CYYR1: variants seen among roughly 807,000 people sequenced by gnomAD.
CYYR1 encodes cysteine and tyrosine rich 1.
In CYYR1, 14 loss-of-function variants were observed where a neutral mutation model predicts 15.2. The ratio of observed to expected loss-of-function variants is 0.92; its 90% confidence interval spans 0.61 to 1.44. CYYR1 has a LOEUF of 1.44. CYYR1 is among the 40% of genes most tolerant of loss of function. The probability of loss-of-function intolerance (pLI) is 0.00; values close to 1 mark genes in which losing one functional copy is unlikely to be tolerated. For missense variants in CYYR1, 228 were observed against 209.5 expected (o/e 1.09, Z -0.54); for synonymous variants, 80 against 77.4 (o/e 1.03, Z -0.18).
At chr21:26,543,709 C>A (rs1978741657) in intron 2 of CYYR1, among the ~76,000 whole-genome samples, 1 of 152,112 alleles carries the variant, frequency 6.6e-6, no homozygotes, top group African/African-American at 2.4e-5. Context: ...AGTTCGAGAC[C>A]AGCCTGACCA....
intron 2 of CYYR1, chr21:26,506,490 A>G (rs1297534605): frequency 6.6e-6 from 1 of 152,212 alleles, no homozygotes; most frequent in Non-Finnish European, 1.5e-5. Context: ...AGGAGCTTTA[A>G]GGAGACATGG....
chr21:26,542,749 C>G (rs1978664117), intron 2 of CYYR1, among the ~76,000 whole-genome samples: 1 of 151,952 alleles, frequency 6.6e-6, no homozygotes, highest in South Asian at 2.1e-4. Flanking sequence ...AAAGTAATTA[C>G]TAGATGTACA....
chr21:26,488,281 C>CTTCCTTCCTTCT (rs2065279459), intron 2 of CYYR1, among the ~76,000 whole-genome samples: 2 of 150,930 alleles, frequency 1.3e-5, no homozygotes, highest in Non-Finnish European at 2.9e-5. Flanking sequence ...TCCTTCCTTC[C>CTTCCTTCCTTCT]TTCCAGACAA....
chr21:26,560,171 G>A (rs1277744681), intron 2 of CYYR1, among the ~76,000 whole-genome samples: 1 of 151,910 alleles, frequency 6.6e-6, no homozygotes, highest in African/African-American at 2.4e-5. Flanking sequence ...TATTATTACT[G>A]GATTCCTTAC....
At chr21:26,566,154 C>T in intron 2 of CYYR1, 112 bp downstream of exon 2, 3 of 717,402 alleles carry the variant, frequency 4.2e-6, no homozygotes, top group Middle Eastern at 2.5e-4. Flanking sequence ...ATGTCAATAA[C>T]CAATCTTGAA....
chr21:26,475,584 C>A (rs2830246), intron 3 of CYYR1, among the ~76,000 whole-genome samples: 21 of 152,124 alleles, frequency 1.4e-4, no homozygotes, highest in African/African-American at 4.3e-4. Flanking sequence ...GCACTACTAT[C>A]TGGATTTCTC....
intron 3 of CYYR1, chr21:26,471,504 C>T (rs2065032780): frequency 6.6e-6 from 1 of 152,178 alleles, no homozygotes; most frequent in African/African-American, 2.4e-5. Context: ...GTCTTTCATT[C>T]ATACAACCTT....
chr21:26,561,077 CAT>C (rs1980162949), intron 2 of CYYR1, among the ~76,000 whole-genome samples: 1 of 152,160 alleles, frequency 6.6e-6, no homozygotes, highest in Admixed American at 6.6e-5. Context: ...TACAATAACT[CAT>C]AGAATGCAAA....
intron 2 of CYYR1, among the ~76,000 whole-genome samples, chr21:26,505,306 A>G (rs1194174234): frequency 1.3e-5 from 2 of 152,176 alleles, no homozygotes; most frequent in Non-Finnish European, 2.9e-5. Flanking sequence ...CAAGCATGTA[A>G]AAAGTAAAAA....
At chr21:26,567,855 A>C (rs1305084974) in intron 1 of CYYR1, 2 of 152,242 alleles carry the variant, frequency 1.3e-5, no homozygotes, top group Non-Finnish European at 2.9e-5. Context: ...TGTGATTAAA[A>C]GGCAGCAAAG....
intron 2 of CYYR1, among the ~76,000 whole-genome samples, chr21:26,543,543 T>A (rs1196922212): frequency 2.0e-5 from 3 of 152,304 alleles, no homozygotes; most frequent in Middle Eastern, 3.4e-3. Context: ...CTTTGGCACC[T>A]CAGCAAAGCA....
chr21:26,569,497 T>C (rs75365591), intron 1 of CYYR1, among the ~76,000 whole-genome samples: 21,063 of 152,176 alleles, frequency 0.14, 1,560 homozygotes, highest in African/African-American at 0.19. Flanking sequence ...CTGTATTCAA[T>C]ACCTGGGTGA....
At chr21:26,567,078 G>C (rs1049277033) in intron 1 of CYYR1, among the ~76,000 whole-genome samples, 1 of 150,828 alleles carries the variant, frequency 6.6e-6, no homozygotes, top group Non-Finnish European at 1.5e-5. Flanking sequence ...TCAATCAATA[G>C]AAGGTTTAGT....
chr21:26,517,441 A>G (rs1312768537), intron 2 of CYYR1, among the ~76,000 whole-genome samples: 1 of 152,214 alleles, frequency 6.6e-6, no homozygotes, highest in Non-Finnish European at 1.5e-5. Context: ...AGCTATATTT[A>G]GTTTGAAAAA....
At chr21:26,481,022 G>A (rs567492415) in intron 2 of CYYR1, among the ~76,000 whole-genome samples, 8 of 152,086 alleles carry the variant, frequency 5.3e-5, no homozygotes, top group East Asian at 1.9e-4. Context: ...ATAAAACTTC[G>A]ATTTCTACTA....
chr21:26,499,827 C>T (rs2065455443), intron 2 of CYYR1, among the ~76,000 whole-genome samples: 1 of 149,672 alleles, frequency 6.7e-6, no homozygotes, highest in African/African-American at 2.5e-5. Context: ...ATGAACAGAA[C>T]ACATTTTTGT....
intron 2 of CYYR1, among the ~76,000 whole-genome samples, chr21:26,546,590 G>A (rs1180289304): frequency 4.6e-5 from 7 of 152,166 alleles, no homozygotes; most frequent in Non-Finnish European, 7.4e-5. Flanking sequence ...CCCCCAACTG[G>A]AACCCCCAAA....
intron 3 of CYYR1, among the ~76,000 whole-genome samples, chr21:26,475,402 C>T (rs947493928): frequency 2.0e-5 from 3 of 152,092 alleles, no homozygotes; most frequent in African/African-American, 7.2e-5. Context: ...TCTGATCGTG[C>T]TGTACATAAT....
chr21:26,559,198 C>A (rs908266707), intron 2 of CYYR1, among the ~76,000 whole-genome samples: 1 of 152,114 alleles, frequency 6.6e-6, no homozygotes, highest in South Asian at 2.1e-4. Flanking sequence ...GTTGGTTTGT[C>A]CTGCTTTAGT....
Sources: gnomAD v4.1 joint callset for allele counts (sites outside exome capture counted in the v4.1 genomes callset) on GRCh38, gnomAD v4.1.1 for gene constraint, MANE v1.5 for transcripts, NCBI Gene and HGNC (gene_info 2026-07-23, HGNC 2026-07-21) for gene names.